Variants in AGPAT3 observed in about 807,000 individuals in gnomAD.
AGPAT3 encodes 1-acylglycerol-3-phosphate O-acyltransferase 3, also known as 1-acyl-sn-glycerol-3-phosphate acyltransferase gamma.
Under a neutral mutation model 47.3 loss-of-function variants are expected in AGPAT3, and 5 were observed. The observed-to-expected ratio is 0.11, with a 90% CI of 0.06 to 0.22. The LOEUF is 0.22. AGPAT3 is among the 10% of genes least tolerant of loss of function. The probability of loss-of-function intolerance (pLI) is 1.00; values close to 1 mark genes in which losing one functional copy is unlikely to be tolerated. For synonymous variants in AGPAT3, 212 were observed against 208.3 expected (o/e 1.02, Z -0.15); for missense variants, 315 against 493.0 (o/e 0.64, Z 3.42).
intron 2 of AGPAT3, among the ~76,000 whole-genome samples, chr21:43,931,423 CT>C (rs1189526142): frequency 6.6e-6 from 1 of 152,224 alleles, no homozygotes; most frequent in African/African-American, 2.4e-5. Context: ...AATCAACATA[CT>C]CGGTTCTTCT....
At chr21:43,891,425 A>G (rs2086100411) in intron 1 of AGPAT3, among the ~76,000 whole-genome samples, 1 of 152,134 alleles carries the variant, frequency 6.6e-6, no homozygotes, top group Non-Finnish European at 1.5e-5. Context: ...CGAGGTTAGG[A>G]GATTGAGACC....
chr21:43,982,580 C>T lies in AGPAT3; in HGVS notation c.*188C>T, dbSNP rs2089891545. The stretch of plus-strand genomic sequence containing the variant: ...GTCAGGTGAAGTCTTCAGCCTCCCA[C>T]AGCGCAGGGTCCCAGCATCTCCACG... On this transcript the variant is annotated 3_prime_UTR_variant, in exon 10 of 10. Coordinates refer to ENST00000291572, the MANE Select transcript of AGPAT3 (RefSeq NM_020132.5). The surrounding 1 kb of genome is among the most constrained non-coding windows in gnomAD (Gnocchi z 6.2). 3 of 516,482 alleles carry T rather than the reference C, an allele frequency of 5.8e-6. No individual in the cohort carries two copies. The East Asian group carries it at 1.1e-4, about 19-fold the overall frequency. The allele number at this position is 516,482 out of a possible 1,614,324, so 32.0% of individuals were successfully genotyped here. A position where few individuals can be genotyped will look rare whatever the true frequency, so the allele number is the denominator to read the frequency against.
At chr21:43,978,248 A>C in intron 8 of AGPAT3, 127 bp downstream of exon 8, 4 of 594,270 alleles carry the variant, frequency 6.7e-6, no homozygotes, top group Admixed American at 3.1e-5. Context: ...GGTCCTAAAT[A>C]CTCCTGATCC....
chr21:43,924,216 G>A (rs1397498143), intron 2 of AGPAT3, among the ~76,000 whole-genome samples: 6 of 151,250 alleles, frequency 4.0e-5, no homozygotes, highest in Non-Finnish European at 5.9e-5. Flanking sequence ...TAGCAGAGAC[G>A]GGGTTTCACC....
rs371492687 is a variant in AGPAT3 at position 43,895,662 on chromosome 21, G to A, written c.-111-8295G>A. ...GAGTGCAGTGGTGCGATCTTGGCTC[G>A]CTGCAACCTCCACCTCGTGGGTTCA... On this transcript the variant is annotated intron_variant, in intron 1 of 9. Coordinates refer to ENST00000291572, the MANE Select transcript of AGPAT3 (RefSeq NM_020132.5). Among the ~76,000 whole-genome samples the A allele has an allele frequency of 2.8e-4, 43 of 151,646 alleles. No homozygotes were observed. The East Asian group carries it at 5.9e-3, about 21-fold the overall frequency.
At chr21:43,916,196 G>C (rs148262931) in intron 2 of AGPAT3, 2 of 152,312 alleles carry the variant, frequency 1.3e-5, no homozygotes, top group African/African-American at 4.8e-5. Flanking sequence ...ACTGAAAAAA[G>C]AAAGGTGTGT....
intron 2 of AGPAT3, among the ~76,000 whole-genome samples, chr21:43,956,993 G>A (rs747534785): frequency 2.0e-5 from 3 of 152,284 alleles, no homozygotes; most frequent in Non-Finnish European, 2.9e-5. Context: ...GGGGAGGAGC[G>A]AAAGTGTTTC....
chr21:43,904,540 C>T (rs1569055999), intron 2 of AGPAT3, among the ~76,000 whole-genome samples: 1 of 151,976 alleles, frequency 6.6e-6, no homozygotes, highest in Non-Finnish European at 1.5e-5. Context: ...GGTCGGTGCC[C>T]TGCTCTTGGG....
At chr21:43,921,505 C>A (rs2086890762) in intron 2 of AGPAT3, among the ~76,000 whole-genome samples, 1 of 152,146 alleles carries the variant, frequency 6.6e-6, no homozygotes. Flanking sequence ...GGGGCAGTCT[C>A]CAGGGCGAGC....
Position 43,959,678 on chromosome 21 carries a change from C to T in AGPAT3, c.-4C>T, listed in dbSNP as rs779528451. ...GGGCCGTGCACCCGCTCCTGAGCAG[C>T]GCCATGGGCCTGCTGGCCTTCCTGA... is the stretch of plus-strand genomic sequence containing the variant. On this transcript the variant is annotated 5_prime_UTR_variant, in exon 3 of 10. Transcript: ENST00000291572. The T allele has an allele frequency of 3.7e-6, 6 of 1,612,444 alleles. No homozygotes were observed. The highest frequency in any genetic ancestry group is 2.2e-5 in the East Asian group (1 of 44,894).
At chr21:43,957,018 A>G (rs1417378248) in intron 2 of AGPAT3, among the ~76,000 whole-genome samples, 1 of 152,078 alleles carries the variant, frequency 6.6e-6, no homozygotes, top group African/African-American at 2.4e-5. Context: ...CCATTCCTAA[A>G]CCATGACCAG....
intron 1 of AGPAT3, among the ~76,000 whole-genome samples, chr21:43,876,384 T>C (rs2085733735): frequency 1.3e-5 from 2 of 152,360 alleles, no homozygotes; most frequent in African/African-American, 4.8e-5. Context: ...TGATTTTGGA[T>C]TGTGGGCTCA....
intron 3 of AGPAT3, among the ~76,000 whole-genome samples, chr21:43,963,289 G>T (rs1463256093): frequency 1.3e-5 from 2 of 152,190 alleles, no homozygotes; most frequent in Non-Finnish European, 2.9e-5. Context: ...GGGAAGAGAG[G>T]ATGCCTGAGG....
chr21:43,867,126 G>C (rs575077479), intron 1 of AGPAT3: 3 of 152,324 alleles, frequency 2.0e-5, no homozygotes, highest in East Asian at 3.9e-4. Context: ...AATCTGTTCC[G>C]TCCCTGCCGT....
chr21:43,933,503 T>C lies in AGPAT3; in HGVS notation c.-48-26131T>C, dbSNP rs1055774724. Among the ~76,000 whole-genome samples the C allele has an allele frequency of 6.6e-6, 1 of 152,206 alleles. No individual in the cohort carries two copies. Among genetic ancestry groups the C allele is most frequent in the African/African-American group, 2.4e-5 (1 of 41,454 alleles). On this transcript the variant is annotated intron_variant, in intron 2 of 9. Transcript: ENST00000291572. This position sits in a 1 kb window ranked among gnomAD's most constrained non-coding sequence, Gnocchi z 6.0. ...TCGATGATGTCATCATACTCCTGGCTGCTTCTTGACATTTTCCATGCCCAG... is the reference window on the plus strand; with the variant it reads ...TCGATGATGTCATCATACTCCTGGCCGCTTCTTGACATTTTCCATGCCCAG...
At chr21:43,921,255 C>T (rs898601279) in intron 2 of AGPAT3, among the ~76,000 whole-genome samples, 12 of 152,222 alleles carry the variant, frequency 7.9e-5, no homozygotes, top group African/African-American at 2.9e-4. Flanking sequence ...CTCCTGTGCC[C>T]TGGACACCCC....
At chr21:43,937,485 G>A (rs893485260) in intron 2 of AGPAT3, among the ~76,000 whole-genome samples, 6 of 152,242 alleles carry the variant, frequency 3.9e-5, no homozygotes, top group African/African-American at 1.4e-4. Flanking sequence ...TCCTTGAGGT[G>A]ACATCGTGGC....
chr21:43,896,663 G>C (rs1428622242), intron 1 of AGPAT3, among the ~76,000 whole-genome samples: 1 of 152,182 alleles, frequency 6.6e-6, no homozygotes, highest in East Asian at 1.9e-4. Context: ...ATACTTGAGA[G>C]CTATGTTATT....
Position 43,878,456 on chromosome 21 carries a change from CA to C in AGPAT3, c.-112+13112del, listed in dbSNP as rs1236686760. On this transcript the variant is annotated intron_variant, in intron 1 of 9. Transcript: ENST00000291572. ...TGCACTGGGCTCCGCTGTGTGGACA[CA>C]GCCAGCTGTGGCCAGCCCTGTCAAT... is the stretch of plus-strand genomic sequence containing the variant. Among the ~76,000 whole-genome samples, 4 of 152,266 alleles carry C rather than the reference CA, an allele frequency of 2.6e-5. No homozygotes were observed. In the East Asian group the frequency reaches 7.7e-4, roughly 29 times the overall value.
Sources: gnomAD v4.1 joint callset for allele counts (sites outside exome capture counted in the v4.1 genomes callset) on GRCh38, gnomAD v4.1.1 for gene constraint, Gnocchi (gnomAD v3.1) non-coding constraint, MANE v1.5 for transcripts, NCBI Gene and HGNC (gene_info 2026-07-23, HGNC 2026-07-21) for gene names.